The following SERGEF variants were observed in gnomAD, a reference collection of about 807,000 sequenced individuals.
The protein encoded by SERGEF is secretion-regulating guanine nucleotide exchange factor.
A neutral mutation model predicts 50.0 loss-of-function variants in SERGEF; 51 were observed. That is an observed-to-expected ratio of 1.02 (90% CI 0.81 to 1.29). SERGEF has a LOEUF of 1.29. Among genes scored for constraint, SERGEF ranks in the 50% most tolerant of loss-of-function variants. The probability of loss-of-function intolerance (pLI) is 0.00; values close to 1 mark genes in which losing one functional copy is unlikely to be tolerated. For synonymous variants in SERGEF, 205 were observed against 212.4 expected, an observed-to-expected ratio of 0.97 and a Z score of 0.30; for missense variants, 521 against 557.0, an observed-to-expected ratio of 0.94 and a Z score of 0.65.
chr11:17,980,080 G>A (rs1050336703), intron 8 of SERGEF, among the ~76,000 whole-genome samples: 4 of 152,284 alleles, frequency 2.6e-5, no homozygotes, highest in East Asian at 3.8e-4. Context: ...GCAGGGGAGC[G>A]GGAGAGAAAA....
At chr11:17,820,913 C>T (rs1850069936) in intron 10 of SERGEF, among the ~76,000 whole-genome samples, 1 of 152,126 alleles carries the variant, frequency 6.6e-6, no homozygotes, top group African/African-American at 2.4e-5. Context: ...GCAGCAGCCA[C>T]CAGAAGCTGG....
Position 17,884,484 on chromosome 11 carries a change from C to T in SERGEF, c.1012-6240G>A, listed in dbSNP as rs750479381. Among the ~76,000 whole-genome samples, 7 of 152,096 alleles carry T rather than the reference C, an allele frequency of 4.6e-5. No homozygotes were observed. The highest frequency in any genetic ancestry group is 1.4e-4 in the African/African-American group (6 of 41,408). On this transcript the variant is annotated intron_variant, in intron 9 of 10. Transcript: ENST00000265965. The surrounding 1 kb of genome is among the most constrained non-coding windows in gnomAD (Gnocchi z 4.6). Reference sequence around the variant, plus strand: ...CATCCGTGTATCTCTGGGGTGACAACCAGAATTTCCAAACTATTAGAAACG... The same window carrying T: ...CATCCGTGTATCTCTGGGGTGACAATCAGAATTTCCAAACTATTAGAAACG...
intron 10 of SERGEF, among the ~76,000 whole-genome samples, chr11:17,834,730 A>G (rs556230816): frequency 6.6e-6 from 1 of 152,210 alleles, no homozygotes; most frequent in Non-Finnish European, 1.5e-5. Context: ...TAGAAATCCT[A>G]CTACACCTAT....
chr11:18,007,109 A>C (rs932789130), intron 2 of SERGEF, among the ~76,000 whole-genome samples: 1 of 152,368 alleles, frequency 6.6e-6, no homozygotes, highest in African/African-American at 2.4e-5. Context: ...AGGGCCCACA[A>C]TGCTTTCAGA....
Position 18,006,706 on chromosome 11 carries a change from C to T in SERGEF, c.237G>A (p.Gly79=). 6.2e-7 allele frequency: 1 copy of T among 1,614,160 alleles called. No individual in the cohort carries two copies. The highest frequency in any genetic ancestry group is 8.5e-7 in the Non-Finnish European group (1 of 1,180,010). The part of the protein sequence containing the change: ...DLFVCGLNKD[G]QLGLGHTEDI... ...CCTCTGTGTGACCAAGCCCCAGTTG[C>T]CCATCTTTGTTCAGGCCACAAACAA... Residue 79 remains glycine, a synonymous_variant, in exon 3 of 11, where the codon GGG becomes GGA. Transcript: ENST00000265965.
chr11:18,008,125 C>T (rs1164569897), intron 1 of SERGEF, 49 bp from the exon 2 acceptor site: 2 of 1,579,792 alleles, frequency 1.3e-6, no homozygotes, highest in East Asian at 2.2e-5. Context: ...CCACAACTGT[C>T]AATGTCTATT....
At chr11:17,886,019 G>C (rs1177700658) in intron 9 of SERGEF, among the ~76,000 whole-genome samples, 1 of 152,156 alleles carries the variant, frequency 6.6e-6, no homozygotes, top group Non-Finnish European at 1.5e-5. Flanking sequence ...AATGGAGAGA[G>C]TTCTGGATAT....
chr11:17,933,740 G>T (rs1852397978), intron 9 of SERGEF, among the ~76,000 whole-genome samples: 1 of 151,394 alleles, frequency 6.6e-6, no homozygotes, highest in African/African-American at 2.4e-5. Flanking sequence ...GCTGTTTTAA[G>T]TATTACAAAT....
chr11:18,010,114 T>C lies in SERGEF; in HGVS notation c.61-2038A>G, dbSNP rs745772729. 38 of 1,260,250 alleles carry C rather than the reference T, an allele frequency of 3.0e-5. No homozygotes were observed. In the Middle Eastern group the frequency reaches 1.1e-3, roughly 36 times the overall value. 78.1% of individuals were successfully genotyped at this position (1,260,250 alleles called of 1,614,324 possible). ...TCCTGGAGATGAGAAGTAAAATCTT[T>C]TAAATATGTTTGTTTTTGAAGACAC... On this transcript the variant is annotated intron_variant, in intron 1 of 10. Coordinates refer to ENST00000265965, the MANE Select transcript of SERGEF (RefSeq NM_012139.4).
At chr11:17,980,200 T>A (rs2133988901) in intron 8 of SERGEF, among the ~76,000 whole-genome samples, 1 of 152,342 alleles carries the variant, frequency 6.6e-6, no homozygotes, top group South Asian at 2.1e-4. Context: ...AAGGACCTTT[T>A]GTGACCTCCA....
intron 2 of SERGEF, 82 bp downstream of exon 2, chr11:18,007,859 G>C: frequency 1.5e-6 from 2 of 1,355,312 alleles, no homozygotes; most frequent in Non-Finnish European, 2.0e-6. Context: ...AAATACAAAA[G>C]GCTGAAAGAT....
chr11:17,790,848 T>C (rs1849473285), intron 10 of SERGEF, among the ~76,000 whole-genome samples: 1 of 152,236 alleles, frequency 6.6e-6, no homozygotes. Flanking sequence ...TGCATTTCCC[T>C]GACTACTAGT....
intron 9 of SERGEF, among the ~76,000 whole-genome samples, chr11:17,934,598 TA>T (rs1463209564): frequency 1.3e-5 from 2 of 152,308 alleles, no homozygotes; most frequent in East Asian, 3.9e-4. Context: ...GAACTTAATG[TA>T]AAAACTTTAT....
At chr11:17,788,916 G>A (rs1270392943) in intron 10 of SERGEF, among the ~76,000 whole-genome samples, 1 of 152,160 alleles carries the variant, frequency 6.6e-6, no homozygotes, top group Non-Finnish European at 1.5e-5. Flanking sequence ...ATCTAATCAC[G>A]TGTCACTCTG....
rs145154482 is a variant in SERGEF at position 17,919,602 on chromosome 11, T to C, written c.1011+39868A>G. On this transcript the variant is annotated intron_variant, in intron 9 of 10. Coordinates refer to ENST00000265965, the MANE Select transcript of SERGEF (RefSeq NM_012139.4). The stretch of plus-strand genomic sequence containing the variant: ...AGCAAGATGCATTATAGATATCACT[T>C]ATTAAATCCTTACAACCCTTGAGGG... Among the ~76,000 whole-genome samples, 14 of 152,208 alleles carry C rather than the reference T, an allele frequency of 9.2e-5. No individual in the cohort carries two copies. In the East Asian group the frequency reaches 2.5e-3, roughly 27 times the overall value.
At chr11:17,857,941 A>G (rs941485267) in intron 10 of SERGEF, among the ~76,000 whole-genome samples, 2 of 152,258 alleles carry the variant, frequency 1.3e-5, no homozygotes, top group African/African-American at 4.8e-5. Flanking sequence ...GAATAGAAGA[A>G]GAAACAAGAT....
intron 9 of SERGEF, among the ~76,000 whole-genome samples, chr11:17,909,317 T>C (rs1851906920): frequency 6.6e-6 from 1 of 152,254 alleles, no homozygotes; most frequent in African/African-American, 2.4e-5. Flanking sequence ...AATTATTATT[T>C]GGCCAGAAGC....
intron 9 of SERGEF, among the ~76,000 whole-genome samples, chr11:17,926,382 AG>A (rs780270534): frequency 5.1e-4 from 77 of 152,158 alleles, no homozygotes; most frequent in Admixed American, 2.2e-3. Context: ...TCTCACAAGC[AG>A]GGCCAGAGGC....
Position 18,000,511 on chromosome 11 carries a change from G to A in SERGEF, c.494C>T (p.Ala165Val), listed in dbSNP as rs546268580. 11 of 1,583,318 alleles carry A rather than the reference G, an allele frequency of 6.9e-6. No homozygotes were observed. In the African/African-American group the frequency reaches 1.5e-4, roughly 22 times the overall value. The change falls in exon 5 of 11, where the codon GCA becomes GTA. Residue 165 changes from alanine (A) to valine (V), a missense_variant. Transcript: ENST00000265965. ...AAGATGATCACCTGTAGCAGCTACT[G>A]CATGCCTCAGTCCAGCAGCAATACA... Reference protein sequence around the residue: ...VVCIAAGLRHAVAATASGIVF... With the variant: ...VVCIAAGLRHVVAATASGIVF...
Sources: gnomAD v4.1 joint callset for allele counts (sites outside exome capture counted in the v4.1 genomes callset) on GRCh38, gnomAD v4.1.1 for gene constraint, Gnocchi (gnomAD v3.1) non-coding constraint, MANE v1.5 for transcripts, NCBI Gene and HGNC (gene_info 2026-07-23, HGNC 2026-07-21) for gene names.